MYO5C: variants seen among roughly 807,000 people sequenced by gnomAD.
The protein encoded by MYO5C is unconventional myosin-Vc.
In MYO5C, 194 loss-of-function variants were observed where a neutral mutation model predicts 235.7. The ratio of observed to expected loss-of-function variants is 0.82; its 90% CI spans 0.73 to 0.93. MYO5C has a LOEUF of 0.93. Ranked by LOEUF, MYO5C falls within the 40% of genes least tolerant of loss-of-function variation. The pLI is 0.00. For synonymous variants in MYO5C, 707 were observed against 754.8 expected, an observed-to-expected ratio of 0.94 and a Z score of 1.04; for missense variants, 2,038 against 2,127.2, an observed-to-expected ratio of 0.96 and a Z score of 0.82.
intron 35 of MYO5C, among the ~76,000 whole-genome samples, chr15:52,211,433 T>C (rs1246116364): frequency 6.6e-6 from 1 of 152,222 alleles, no homozygotes. Flanking sequence ...TTACCCTTGT[T>C]ACAGAGATAG....
chr15:52,260,883 A>G lies in MYO5C; in HGVS notation c.1292T>C (p.Ile431Thr). Residue 431 changes from isoleucine (I) to threonine (T), a missense_variant, in exon 10 of 41, where the codon ATT becomes ACT. By Grantham distance (89) the Ile-to-Thr change is moderately conservative. Transcript: ENST00000261839. ...TTACCCATAAATGTCCAAAACACCA[A>G]TAAAAGTGTGCTGCTTGCCTGAAAA... ...LQFSGKQHTF[I>T]GVLDIYGFET... 2 of 1,614,234 alleles carry G rather than the reference A, an allele frequency of 1.2e-6. No individual in the cohort carries two copies. The highest frequency in any genetic ancestry group is 1.7e-6 in the Non-Finnish European group (2 of 1,180,050).
chr15:52,286,335 C>T (rs2037271348), intron 1 of MYO5C, among the ~76,000 whole-genome samples: 1 of 148,172 alleles, frequency 6.7e-6, no homozygotes, highest in African/African-American at 2.5e-5. Context: ...CAGCCCCCCG[C>T]CCGGCCAGCC....
chr15:52,195,936 C>T (rs2035038112), intron 39 of MYO5C, among the ~76,000 whole-genome samples: 1 of 142,990 alleles, frequency 7.0e-6, no homozygotes, highest in African/African-American at 2.6e-5. Context: ...GTAGCTGGGA[C>T]CAAAGGTGTG....
chr15:52,194,438 C>T (rs1248975139), intron 40 of MYO5C, among the ~76,000 whole-genome samples: 2 of 152,188 alleles, frequency 1.3e-5, no homozygotes, highest in Non-Finnish European at 2.9e-5. Context: ...CCTTTTTGGT[C>T]TCAGGACCGC....
At chr15:52,235,224 A>G (rs1394376551) in intron 23 of MYO5C, among the ~76,000 whole-genome samples, 1 of 152,194 alleles carries the variant, frequency 6.6e-6, no homozygotes, top group Non-Finnish European at 1.5e-5. Context: ...TTTTTCTGCA[A>G]ATCTTTGGTG....
At chr15:52,285,439 C>CTCCTCTCCCTCTCCCG (rs2037242857) in intron 1 of MYO5C, among the ~76,000 whole-genome samples, 3 of 145,000 alleles carry the variant, frequency 2.1e-5, no homozygotes, top group Non-Finnish European at 4.6e-5. Flanking sequence ...CTCCCTCTCC[C>CTCCTCTCCCTCTCCCG]TCTCCCTCCT....
chr15:52,257,445 G>C (rs1306940606), intron 10 of MYO5C, among the ~76,000 whole-genome samples: 2 of 152,164 alleles, frequency 1.3e-5, no homozygotes, highest in African/African-American at 4.8e-5. Context: ...GGATGAATGC[G>C]GCCCAGGATG....
intron 1 of MYO5C, among the ~76,000 whole-genome samples, chr15:52,291,960 C>T (rs2037404987): frequency 6.6e-6 from 1 of 151,710 alleles, no homozygotes; most frequent in Non-Finnish European, 1.5e-5. Flanking sequence ...AGGATGGTCT[C>T]GACCTCCTGA....
rs143555762 is a variant in MYO5C at position 52,239,783 on chromosome 15, T to C, written c.2653A>G (p.Ile885Val). The C allele has an allele frequency of 1.5e-5, 24 of 1,613,450 alleles. No individual in the cohort carries two copies. In the African/African-American group the frequency reaches 3.2e-4, roughly 22 times the overall value. The change falls in exon 21 of 41, where the codon ATT (isoleucine) becomes GTT (valine). Residue 885 changes from isoleucine (I) to valine (V), a missense_variant. Coordinates refer to ENST00000261839, the MANE Select transcript of MYO5C (RefSeq NM_018728.4). ...FQSIRRFVLN[I>V]QLTYRVQRLQ... ...CGCTGGACCCTGTAAGTAAGCTGAA[T>C]ATTAAGCACGAATCGTCGGATACTC...
intron 38 of MYO5C, among the ~76,000 whole-genome samples, chr15:52,198,011 G>C (rs1434201194): frequency 6.6e-6 from 1 of 152,146 alleles, no homozygotes; most frequent in African/African-American, 2.4e-5. Context: ...AAAAAATTGA[G>C]TGTTGAATAA....
At chr15:52,230,752 T>TAA (rs34193327) in intron 24 of MYO5C, among the ~76,000 whole-genome samples, 16,032 of 148,512 alleles carry the variant, frequency 0.11, 1,781 homozygotes, top group East Asian at 0.49. Context: ...CCAGGTTTTT[T>TAA]AAAAAAAAAC....
chr15:52,222,370 C>T (rs1204578236), intron 29 of MYO5C, among the ~76,000 whole-genome samples: 1 of 152,106 alleles, frequency 6.6e-6, no homozygotes, highest in Middle Eastern at 3.2e-3. Flanking sequence ...CTGCTACAGC[C>T]CCGAGATTTC....
chr15:52,195,061 G>T (rs1468639312), intron 40 of MYO5C, among the ~76,000 whole-genome samples: 2 of 152,074 alleles, frequency 1.3e-5, no homozygotes, highest in Non-Finnish European at 2.9e-5. Flanking sequence ...GATTATAAAA[G>T]AAAAATGGTC....
At chr15:52,203,614 G>A (rs908199851) in intron 38 of MYO5C, among the ~76,000 whole-genome samples, 4 of 152,202 alleles carry the variant, frequency 2.6e-5, no homozygotes, top group African/African-American at 9.7e-5. Context: ...CCAAAATGCT[G>A]GGATTACAGG....
intron 1 of MYO5C, among the ~76,000 whole-genome samples, chr15:52,294,649 A>G (rs1257433286): frequency 6.6e-6 from 1 of 152,150 alleles, no homozygotes; most frequent in African/African-American, 2.4e-5. Flanking sequence ...AGATTTCCCC[A>G]ACTGGTGTAT....
intron 40 of MYO5C, among the ~76,000 whole-genome samples, 168 bp downstream of exon 40, chr15:52,195,209 G>GAAAATTTC (rs1010981067): frequency 5.3e-5 from 8 of 152,110 alleles, no homozygotes; most frequent in African/African-American, 1.9e-4. Flanking sequence ...GGTGGATTCT[G>GAAAATTTC]AAAATTTCAC....
intron 40 of MYO5C, 136 bp from the exon 41 acceptor site, chr15:52,194,190 G>T: frequency 1.3e-6 from 1 of 756,772 alleles, no homozygotes. Context: ...ACATACATGA[G>T]AACTTTTTAA....
chr15:52,233,344 G>A (rs1232663264), intron 23 of MYO5C, among the ~76,000 whole-genome samples: 2 of 150,788 alleles, frequency 1.3e-5, no homozygotes, highest in African/African-American at 2.5e-5. Context: ...CCTTTGGGAA[G>A]AAAATGATCC....
intron 38 of MYO5C, among the ~76,000 whole-genome samples, chr15:52,203,299 A>C (rs1184038317): frequency 6.6e-6 from 1 of 152,100 alleles, no homozygotes; most frequent in Non-Finnish European, 1.5e-5. Flanking sequence ...TTCCTCAAGC[A>C]TTTATTGAGT....
Sources: allele counts gnomAD v4.1 joint callset (sites outside exome capture counted in the v4.1 genomes callset), GRCh38; gene constraint gnomAD v4.1.1; transcripts MANE v1.5; gene names NCBI Gene and HGNC (gene_info 2026-07-23, HGNC 2026-07-21).